Variants in ARHGEF28 observed in about 807,000 individuals in gnomAD.
The protein encoded by ARHGEF28 is 190 kDa guanine nucleotide exchange factor.
Under a neutral mutation model 206.6 loss-of-function variants are expected in ARHGEF28, and 152 were observed. The ratio of observed to expected loss-of-function variants is 0.74; its 90% CI spans 0.64 to 0.84. The LOEUF (loss-of-function observed/expected upper bound fraction) is 0.84. Among genes scored for constraint, ARHGEF28 ranks in the 40% least tolerant of loss-of-function variants. The pLI is 0.00. For missense variants in ARHGEF28, 2,028 were observed against 2,073.2 expected (o/e 0.98, Z 0.42); for synonymous variants, 763 against 776.4 (o/e 0.98, Z 0.29).
intron 4 of ARHGEF28, among the ~76,000 whole-genome samples, chr5:73,756,190 A>G (rs1331937985): frequency 1.3e-5 from 2 of 152,212 alleles, no homozygotes; most frequent in Non-Finnish European, 2.9e-5. Context: ...GTATGGCAAG[A>G]CCTCTAGAAG....
intron 11 of ARHGEF28, among the ~76,000 whole-genome samples, chr5:73,845,673 A>T (rs140606979): frequency 9.9e-4 from 151 of 152,304 alleles, no homozygotes; most frequent in African/African-American, 3.3e-3. Flanking sequence ...TACTAACTCA[A>T]ACCAGCTTTT....
intron 2 of ARHGEF28, among the ~76,000 whole-genome samples, chr5:73,712,803 C>T (rs1580515964): frequency 6.6e-6 from 1 of 152,236 alleles, no homozygotes; most frequent in East Asian, 1.9e-4. Context: ...TAACCTAGTT[C>T]ATGAGTTGCC....
At chr5:73,731,023 A>C (rs1750593874) in intron 2 of ARHGEF28, among the ~76,000 whole-genome samples, 1 of 150,626 alleles carries the variant, frequency 6.6e-6, no homozygotes, top group East Asian at 1.9e-4. Context: ...AAAAAAAAAA[A>C]CCCTCTAATC....
chr5:73,874,157 CA>C (rs1760285570), intron 22 of ARHGEF28, among the ~76,000 whole-genome samples: 1 of 152,002 alleles, frequency 6.6e-6, no homozygotes, highest in South Asian at 2.1e-4. Flanking sequence ...GCTTATTTGC[CA>C]TCTATATATC....
At position 73,882,529 on chromosome 5, in the gene ARHGEF28, CA is replaced by C; in HGVS notation, c.2873del (p.His958LeufsTer76). The part of the protein sequence containing the change: ...KKIYGEFCCH[H>X]KEAVNLFKEL... Reference sequence around the variant, plus strand: ...AATATATGGAGAATTCTGTTGCCATCATAAAGAAGCTGTTAACCTCTTTAAA... The same window carrying C: ...AATATATGGAGAATTCTGTTGCCATCTAAAGAAGCTGTTAACCTCTTTAAA... On this transcript the variant is annotated frameshift_variant, in exon 23 of 36. Transcript: ENST00000513042. LOFTEE classifies it high-confidence loss of function. The C allele has an allele frequency of 6.6e-7, 1 of 1,508,784 alleles. No homozygotes were observed. The highest frequency in any genetic ancestry group is 8.9e-7 in the Non-Finnish European group (1 of 1,117,900). 93.5% of individuals were successfully genotyped at this position (1,508,784 alleles called of 1,614,324 possible). A position where few individuals can be genotyped will look rare whatever the true frequency, so the allele number is the denominator to read the frequency against.
At chr5:73,828,934 C>T (rs1461125845) in intron 9 of ARHGEF28, among the ~76,000 whole-genome samples, 1 of 152,154 alleles carries the variant, frequency 6.6e-6, no homozygotes, top group Admixed American at 6.5e-5. Context: ...AATCCTCTCA[C>T]TTCAGCTTCC....
At chr5:73,729,837 A>G (rs1382204665) in intron 2 of ARHGEF28, among the ~76,000 whole-genome samples, 1 of 152,218 alleles carries the variant, frequency 6.6e-6, no homozygotes, top group East Asian at 1.9e-4. Flanking sequence ...AATACCTATG[A>G]ACCAGTTACA....
chr5:73,763,649 A>G (rs919214085), intron 4 of ARHGEF28, among the ~76,000 whole-genome samples: 5 of 152,238 alleles, frequency 3.3e-5, no homozygotes, highest in African/African-American at 1.2e-4. Context: ...GAGATCTTGC[A>G]GAAGAGTGCC....
chr5:73,812,693 T>G (rs1377455615), intron 9 of ARHGEF28, among the ~76,000 whole-genome samples: 1 of 152,112 alleles, frequency 6.6e-6, no homozygotes, highest in Non-Finnish European at 1.5e-5. Flanking sequence ...CAAGAACTGT[T>G]GGTTTGTGGT....
intron 33 of ARHGEF28, among the ~76,000 whole-genome samples, chr5:73,906,873 T>A (rs1017701315): frequency 6.6e-6 from 1 of 152,208 alleles, no homozygotes; most frequent in African/African-American, 2.4e-5. Flanking sequence ...ACTGGTAAAC[T>A]CATTGAACTT....
chr5:73,861,623 A>T (rs1047363975), intron 16 of ARHGEF28, among the ~76,000 whole-genome samples: 2 of 152,234 alleles, frequency 1.3e-5, no homozygotes, highest in Non-Finnish European at 2.9e-5. Context: ...ATGCTGTTTC[A>T]TTTGATGCTG....
intron 9 of ARHGEF28, among the ~76,000 whole-genome samples, chr5:73,831,656 A>G (rs999041178): frequency 1.3e-5 from 2 of 152,170 alleles, no homozygotes; most frequent in Non-Finnish European, 2.9e-5. Flanking sequence ...ATAAAGGGAA[A>G]TTAAGTTTAG....
intron 3 of ARHGEF28, 141 bp downstream of exon 3, chr5:73,750,125 T>G (rs1015837956): frequency 4.3e-5 from 39 of 910,854 alleles, no homozygotes; most frequent in African/African-American, 8.3e-5. Flanking sequence ...TGTGTGTGTA[T>G]GTGTATATTA....
At chr5:73,712,115 A>G (rs1749288454) in intron 2 of ARHGEF28, among the ~76,000 whole-genome samples, 2 of 152,106 alleles carry the variant, frequency 1.3e-5, no homozygotes, top group Non-Finnish European at 2.9e-5. Context: ...ATATTGAACG[A>G]GACATTTCTG....
chr5:73,717,144 C>T (rs542359401), intron 2 of ARHGEF28, among the ~76,000 whole-genome samples: 1 of 152,058 alleles, frequency 6.6e-6, no homozygotes, highest in African/African-American at 2.4e-5. Context: ...TAACAGAATG[C>T]GACTCCATAA....
intron 1 of ARHGEF28, among the ~76,000 whole-genome samples, chr5:73,681,110 A>G (rs985216995): frequency 8.6e-6 from 1 of 116,544 alleles, no homozygotes; most frequent in African/African-American, 3.4e-5. Flanking sequence ...TTTTTTGGCT[A>G]TTAAGTGGAA....
chr5:73,899,029 G>A (rs936812444), intron 30 of ARHGEF28: 2 of 151,174 alleles, frequency 1.3e-5, no homozygotes, highest in African/African-American at 4.9e-5. Flanking sequence ...TATAGATGCA[G>A]TATAGCTTTT....
intron 13 of ARHGEF28, among the ~76,000 whole-genome samples, chr5:73,849,345 C>A (rs1380661189): frequency 6.6e-6 from 1 of 151,990 alleles, no homozygotes; most frequent in African/African-American, 2.4e-5. Flanking sequence ...AAAATGTTTT[C>A]CTCAAGGATA....
At chr5:73,923,310 T>C (rs1763623808) in intron 35 of ARHGEF28, 1 of 717,828 alleles carries the variant, frequency 1.4e-6, no homozygotes, top group African/African-American at 1.8e-5. Flanking sequence ...ACTAAATTTG[T>C]CTTTATGAGC....
Sources: allele counts gnomAD v4.1 joint callset (sites outside exome capture counted in the v4.1 genomes callset), GRCh38; gene constraint gnomAD v4.1.1; transcripts MANE v1.5; gene names NCBI Gene and HGNC (gene_info 2026-07-23, HGNC 2026-07-21).